Variants in SLC3A1 observed in about 807,000 individuals in gnomAD.
SLC3A1 encodes the protein solute carrier family 3 member 1.
A neutral mutation model predicts 60.3 loss-of-function variants in SLC3A1; 78 were observed. The observed-to-expected ratio is 1.29, with a 90% CI of 1.08 to 1.56. The LOEUF is 1.56. Among genes scored for constraint, SLC3A1 ranks in the 40% most tolerant of loss-of-function variants. The pLI is 0.00. For missense variants in SLC3A1, 1,172 were observed against 858.9 expected (o/e 1.36, Z -4.56); for synonymous variants, 392 against 307.9 (o/e 1.27, Z -2.86).
intron 1 of SLC3A1, among the ~76,000 whole-genome samples, chr2:44,276,973 A>G (rs530236245): frequency 5.3e-5 from 8 of 152,202 alleles, no homozygotes; most frequent in Non-Finnish European, 8.8e-5. Flanking sequence ...ACAGGATGAT[A>G]TGAATGTGGA....
Position 44,312,754 on chromosome 2 carries a change from G to T in SLC3A1, c.1500+1G>T, listed in dbSNP as rs886042834. ...AAATCTCAATGAAAGCTATGATATT[G>T]TAAGTTGAATACAACTTGACTATTC... On this transcript the variant is annotated splice_donor_variant, in intron 8 of 9. Coordinates refer to ENST00000260649, the MANE Select transcript of SLC3A1 (RefSeq NM_000341.4). LOFTEE classifies it high-confidence loss of function. 2.9e-5 allele frequency: 46 copies of T among 1,604,994 alleles called. No homozygotes were observed. Among genetic ancestry groups the T allele is most frequent in the Non-Finnish European group, 3.5e-5 (41 of 1,178,030 alleles).
intron 1 of SLC3A1, among the ~76,000 whole-genome samples, chr2:44,279,279 C>T (rs545422738): frequency 3.3e-5 from 5 of 152,300 alleles, no homozygotes; most frequent in African/African-American, 9.6e-5. Context: ...GGATTACAGG[C>T]GTAAGCCACT....
chr2:44,303,244 A>ATT (rs1672062963), intron 6 of SLC3A1, among the ~76,000 whole-genome samples: 6 of 64,424 alleles, frequency 9.3e-5, no homozygotes, highest in Non-Finnish European at 1.5e-4. Flanking sequence ...ACTGAGATCC[A>ATT]ATTTTTTTTT....
chr2:44,313,492 C>G (rs1226545155), intron 8 of SLC3A1, among the ~76,000 whole-genome samples: 3 of 152,168 alleles, frequency 2.0e-5, no homozygotes, highest in Non-Finnish European at 4.4e-5. Context: ...TTCTTAAATT[C>G]ACCAACACTG....
intron 9 of SLC3A1, chr2:44,317,611 C>G (rs757256067): frequency 6.6e-6 from 1 of 152,418 alleles, no homozygotes; most frequent in Non-Finnish European, 1.5e-5. Flanking sequence ...ACATTATTTT[C>G]AAGTGGTCAT....
intron 1 of SLC3A1, among the ~76,000 whole-genome samples, chr2:44,280,216 C>T (rs1671462188): frequency 6.6e-6 from 1 of 152,004 alleles, no homozygotes; most frequent in Non-Finnish European, 1.5e-5. Flanking sequence ...TCATCGATTA[C>T]TGATAGATGA....
At chr2:44,291,931 T>C (rs1671747862) in intron 4 of SLC3A1, among the ~76,000 whole-genome samples, 1 of 152,186 alleles carries the variant, frequency 6.6e-6, no homozygotes, top group Admixed American at 6.6e-5. Context: ...GCTCTGAACC[T>C]CTTGGGGCTT....
At chr2:44,286,306 C>A in intron 4 of SLC3A1, 149 bp downstream of exon 4, 1 of 775,878 alleles carries the variant, frequency 1.3e-6, no homozygotes, top group Non-Finnish European at 2.1e-6. Context: ...CTTTATATTG[C>A]ACAATAATTG....
Position 44,288,517 on chromosome 2 carries a change from T to A in SLC3A1, c.891+2360T>A, listed in dbSNP as rs113746611. Among the ~76,000 whole-genome samples the A allele has an allele frequency of 5.0e-3, 756 of 152,322 alleles. 1 individual carries two copies. The highest frequency in any genetic ancestry group is 0.034 in the Middle Eastern group (10 of 294). On this transcript the variant is annotated intron_variant, in intron 4 of 9. Transcript: ENST00000260649. Reference sequence around the variant, plus strand: ...CACTTTGTACAACAGAATCATGCTGTATCTGTATATCCCTGGTAGGTGTCT... The same window carrying A: ...CACTTTGTACAACAGAATCATGCTGAATCTGTATATCCCTGGTAGGTGTCT...
At chr2:44,287,449 G>C (rs549669957) in intron 4 of SLC3A1, among the ~76,000 whole-genome samples, 2 of 152,162 alleles carry the variant, frequency 1.3e-5, no homozygotes, top group Admixed American at 1.3e-4. Context: ...CAGAGTGTAG[G>C]GTTGCCAAAC....
chr2:44,307,650 T>C (rs1346733446), intron 7 of SLC3A1, among the ~76,000 whole-genome samples: 2 of 152,080 alleles, frequency 1.3e-5, no homozygotes, highest in African/African-American at 4.8e-5. Flanking sequence ...CATGTCTTAT[T>C]TGGAGTAATG....
intron 4 of SLC3A1, among the ~76,000 whole-genome samples, chr2:44,290,528 A>T (rs1267071787): frequency 6.6e-6 from 1 of 152,152 alleles, no homozygotes; most frequent in Admixed American, 6.5e-5. Flanking sequence ...GAACATAGCC[A>T]TCTTATGTTA....
Position 44,301,134 on chromosome 2 carries a change from C to G in SLC3A1, c.1136+7C>G, listed in dbSNP as rs766973475. The G allele has an allele frequency of 2.5e-6, 4 of 1,614,140 alleles. No individual in the cohort carries two copies. In the Admixed American group the frequency reaches 6.7e-5, roughly 27 times the overall value. On this transcript the variant is annotated splice_region_variant and intron_variant, in intron 6 of 9. Transcript: ENST00000260649. ...CGGAGCCCGGCAGATACAGGTTGAC[C>G]ACGGCATATGCTCTCATTTCTTCCC...
At chr2:44,304,787 C>T (rs139995845) in intron 7 of SLC3A1, among the ~76,000 whole-genome samples, 13 of 150,936 alleles carry the variant, frequency 8.6e-5, no homozygotes, top group African/African-American at 3.2e-4. Context: ...AATTTCTCCC[C>T]CTTCTGTACT....
At chr2:44,319,903 T>G (rs1325421539) in intron 9 of SLC3A1, 1 of 336,622 alleles carries the variant, frequency 3.0e-6, no homozygotes, top group Non-Finnish European at 5.5e-6. Context: ...ACATGGACAT[T>G]TGCTTTGGGA....
At chr2:44,303,468 C>A (rs1157474039) in intron 6 of SLC3A1, among the ~76,000 whole-genome samples, 1 of 151,844 alleles carries the variant, frequency 6.6e-6, no homozygotes, top group Non-Finnish European at 1.5e-5. Context: ...AACTCCTGAC[C>A]TCAAGTTATC....
chr2:44,308,851 G>A (rs1480889914), intron 7 of SLC3A1, among the ~76,000 whole-genome samples: 1 of 151,758 alleles, frequency 6.6e-6, no homozygotes, highest in Non-Finnish European at 1.5e-5. Flanking sequence ...TCCTGTATCA[G>A]CCTCCCAAAT....
intron 5 of SLC3A1, 140 bp from the exon 6 acceptor site, chr2:44,300,863 T>A: frequency 1.1e-6 from 1 of 883,338 alleles, no homozygotes; most frequent in South Asian, 1.4e-5. Context: ...GAAGCATTCT[T>A]CTCCATCCAC....
intron 9 of SLC3A1, among the ~76,000 whole-genome samples, chr2:44,316,083 T>A (rs1241661897): frequency 6.6e-6 from 1 of 151,916 alleles, no homozygotes; most frequent in African/African-American, 2.4e-5. Context: ...CAGACCCACA[T>A]CCAACTTGGC....
Sources: allele counts gnomAD v4.1 joint callset (sites outside exome capture counted in the v4.1 genomes callset), GRCh38; gene constraint gnomAD v4.1.1; transcripts MANE v1.5; gene names NCBI Gene and HGNC (gene_info 2026-07-23, HGNC 2026-07-21).